CNTRL: variants seen among roughly 807,000 people sequenced by gnomAD.
CNTRL encodes the protein centriolin.
A neutral mutation model predicts 303.7 loss-of-function variants in CNTRL; 233 were observed. That is an observed-to-expected ratio of 0.77 (90% CI 0.69 to 0.86). The LOEUF (loss-of-function observed/expected upper bound fraction) is 0.86, where lower values mean the gene tolerates loss of function less well. Ranked by LOEUF, CNTRL falls within the 40% of genes least tolerant of loss-of-function variation. The pLI, the probability that CNTRL is intolerant of heterozygous loss-of-function variation, is 0.00. For synonymous variants in CNTRL, 900 were observed against 922.2 expected, an observed-to-expected ratio of 0.98 and a Z score of 0.44; for missense variants, 2,524 against 2,650.6, an observed-to-expected ratio of 0.95 and a Z score of 1.05.
Position 121,146,326 on chromosome 9 carries a change from C to G in CNTRL, c.3459+70C>G, listed in dbSNP as rs534267487. The stretch of plus-strand genomic sequence containing the variant: ...AGAAAGTGTGACATTGTCCCCTTCC[C>G]CAAATTTATGAACAGGTACCAAAAA... On this transcript the variant is annotated intron_variant, in intron 23 of 43. Transcript: ENST00000373855. 19 of 1,482,916 alleles carry G rather than the reference C, an allele frequency of 1.3e-5. No homozygotes were observed. In the African/African-American group the frequency reaches 1.7e-4, roughly 13 times the overall value. The allele number at this position is 1,482,916 out of a possible 1,614,324, so 91.9% of individuals were successfully genotyped here. A position where few individuals can be genotyped will look rare whatever the true frequency, so the allele number is the denominator to read the frequency against.
intron 14 of CNTRL, among the ~76,000 whole-genome samples, chr9:121,133,645 T>G (rs1349897156): frequency 6.6e-6 from 1 of 152,146 alleles, no homozygotes; most frequent in Admixed American, 6.5e-5. Flanking sequence ...CGGGTCGCCC[T>G]CCATGGGCTG....
At chr9:121,150,719 AGG>A (rs1262491146) in intron 25 of CNTRL, 47 of 476,214 alleles carry the variant, frequency 9.9e-5, no homozygotes, top group Admixed American at 2.3e-4. Flanking sequence ...GCTTGAGCCT[AGG>A]AATTCAAGGC....
chr9:121,156,913 G>A (rs2052601554), intron 27 of CNTRL, among the ~76,000 whole-genome samples: 1 of 152,160 alleles, frequency 6.6e-6, no homozygotes, highest in South Asian at 2.1e-4. Flanking sequence ...AAGAATTTCT[G>A]TGTGGAGGAA....
intron 14 of CNTRL, among the ~76,000 whole-genome samples, chr9:121,129,423 G>A (rs2050727503): frequency 6.6e-6 from 1 of 152,122 alleles, no homozygotes; most frequent in African/African-American, 2.4e-5. Flanking sequence ...GTTCACTCAC[G>A]ATTTGGCTCT....
At chr9:121,115,888 GT>G (rs1007670572) in intron 11 of CNTRL, among the ~76,000 whole-genome samples, 2 of 152,072 alleles carry the variant, frequency 1.3e-5, no homozygotes, top group African/African-American at 2.4e-5. Flanking sequence ...ACACTGTATT[GT>G]TACTTTCAGA....
intron 14 of CNTRL, among the ~76,000 whole-genome samples, chr9:121,134,290 ATTAT>A (rs2051051927): frequency 1.0e-5 from 1 of 97,876 alleles, no homozygotes. Flanking sequence ...TAATATCATT[ATTAT>A]TTTTTTTTTT....
rs769470414 is a variant in CNTRL, at chr9:121,107,782, T to C, written c.809-20T>C. The C allele has an allele frequency of 6.4e-6, 9 of 1,399,860 alleles. 1 individual carries two copies. The South Asian group carries it at 1.3e-4, about 20-fold the overall frequency. The allele number at this position is 1,399,860 out of a possible 1,614,324, so 86.7% of individuals were successfully genotyped here. On this transcript the variant is annotated intron_variant, in intron 7 of 43. Transcript: ENST00000373855. ...ATAGGAAATATAATGATAAATAAACTATTAAATTTTCATTGGCAGAAGAGG... is the reference window on the plus strand; with the variant it reads ...ATAGGAAATATAATGATAAATAAACCATTAAATTTTCATTGGCAGAAGAGG...
chr9:121,173,217 A>G, intron 40 of CNTRL, 26 bp from the exon 41 acceptor site: 2 of 1,584,144 alleles, frequency 1.3e-6, no homozygotes, highest in South Asian at 2.3e-5. Context: ...TTATACAATG[A>G]TATTTGACAC....
chr9:121,078,338 G>A (rs2048008926), intron 1 of CNTRL, among the ~76,000 whole-genome samples: 1 of 151,806 alleles, frequency 6.6e-6, no homozygotes, highest in Non-Finnish European at 1.5e-5. Context: ...AACCTGGGAG[G>A]CGGAGGTTAT....
rs1294910589 is a variant in CNTRL at position 121,141,457 on chromosome 9, T to C, written c.2560T>C (p.Ser854Pro). The C allele has an allele frequency of 1.2e-6, 2 of 1,614,070 alleles. No homozygotes were observed. Among genetic ancestry groups the C allele is most frequent in the Non-Finnish European group, 1.7e-6 (2 of 1,179,982 alleles). ...QKQFSEILAR[S>P]KWERDEAQVR... ...ACAATTCAGTGAAATTCTTGCACGC[T>C]CCAAGTGGGAAAGAGATGAAGCACA... is the stretch of plus-strand genomic sequence containing the variant. Residue 854 changes from serine (S) to proline (P), a missense_variant, in exon 18 of 44, where the codon TCC becomes CCC. Ser to Pro is a moderately conservative substitution (Grantham distance 74). Transcript: ENST00000373855.
At chr9:121,165,634 C>G (rs1331117330) in intron 35 of CNTRL, among the ~76,000 whole-genome samples, 1 of 152,106 alleles carries the variant, frequency 6.6e-6, no homozygotes, top group Admixed American at 6.5e-5. Context: ...ATCCTCATAA[C>G]ATTTTTATGA....
chr9:121,162,340 A>G, intron 34 of CNTRL, 69 bp downstream of exon 34: 1 of 1,329,622 alleles, frequency 7.5e-7, no homozygotes, highest in Non-Finnish European at 1.1e-6. Flanking sequence ...CACACTATAA[A>G]AAATTTGGAA....
chr9:121,115,022 TG>T, intron 10 of CNTRL, 68 bp from the exon 11 acceptor site: 1 of 936,616 alleles, frequency 1.1e-6, no homozygotes, highest in Non-Finnish European at 1.6e-6. Flanking sequence ...AAAGAATACC[TG>T]GTTGAAATTT....
At chr9:121,150,798 T>A in intron 25 of CNTRL, 1 of 279,888 alleles carries the variant, frequency 3.6e-6, no homozygotes, top group Non-Finnish European at 6.7e-6. Flanking sequence ...AGTTAGGGTC[T>A]CAGGCCAGTC....
chr9:121,169,560 C>A (rs1156964997), intron 38 of CNTRL, 51 bp from the exon 39 acceptor site: 2 of 1,577,550 alleles, frequency 1.3e-6, no homozygotes, highest in Non-Finnish European at 1.7e-6. Flanking sequence ...GAGCTCTGCC[C>A]ACAGCTGGCT....
Position 121,150,263 on chromosome 9 carries a change from CTG to C in CNTRL, c.3746_3747del (p.Val1249AlafsTer3), listed in dbSNP as rs1564277474. On this transcript the variant is annotated frameshift_variant, in exon 25 of 44. Transcript: ENST00000373855. LOFTEE classifies it high-confidence loss of function. ...CCTCCTCCTGGATACATGATGTATA[CTG>C]TGCTTCCTGATGGTTCTCCTGTACC... 2 of 1,614,164 alleles carry C rather than the reference CTG, an allele frequency of 1.2e-6. No individual in the cohort carries two copies. The highest frequency in any genetic ancestry group is 1.6e-4 in the Middle Eastern group (1 of 6,062).
chr9:121,169,727 T>C lies in CNTRL; in HGVS notation c.6187T>C (p.Leu2063=). 6.2e-7 allele frequency: 1 copy of C among 1,614,146 alleles called. No individual in the cohort carries two copies. The highest frequency in any genetic ancestry group is 8.5e-7 in the Non-Finnish European group (1 of 1,180,012). Residue 2063 remains leucine (L), a synonymous_variant, in exon 39 of 44, where the codon TTG becomes CTG. Transcript: ENST00000373855. ...CTTCAGCCTTCTGCGGAACCAGTTC[T>C]TGACAGAAAGAAAGAAAGCTGAGAA... ...ADFSLLRNQF[L]TERKKAEKQV...
chr9:121,136,662 G>A (rs2051215134), intron 15 of CNTRL, among the ~76,000 whole-genome samples: 1 of 152,162 alleles, frequency 6.6e-6, no homozygotes, highest in Non-Finnish European at 1.5e-5. Context: ...TCCTTTTAGG[G>A]TTGGTTGAAA....
In CNTRL at chr9:121,135,862, G is replaced by A. The variant is rs767166018; in HGVS notation, c.2082G>A (p.Leu694=). 1 of 1,614,048 alleles carries A rather than the reference G, an allele frequency of 6.2e-7. No homozygotes were observed. Among genetic ancestry groups the A allele is most frequent in the Non-Finnish European group, 8.5e-7 (1 of 1,179,956 alleles). Residue 694 remains leucine, a synonymous_variant, in exon 15 of 44, where the codon TTG becomes TTA. Coordinates refer to ENST00000373855, the MANE Select transcript of CNTRL (RefSeq NM_007018.6). The part of the protein sequence containing the change: ...LQEQHEVNAS[L]QQTQGDLSAY... ...AGCAGCATGAGGTGAATGCATCTTT[G>A]CAGCAGACCCAGGGAGATCTCAGTG... is the stretch of plus-strand genomic sequence containing the variant.
Sources: allele counts gnomAD v4.1 joint callset (sites outside exome capture counted in the v4.1 genomes callset), GRCh38; gene constraint gnomAD v4.1.1; transcripts MANE v1.5; gene names NCBI Gene and HGNC (gene_info 2026-07-23, HGNC 2026-07-21).